Variants in LRRTM4 observed in about 807,000 individuals in gnomAD.
LRRTM4 encodes the protein leucine rich repeat transmembrane neuronal 4, also known as leucine-rich repeat transmembrane neuronal protein 4.
A neutral mutation model predicts 47.6 loss-of-function variants in LRRTM4; 25 were observed. The ratio of observed to expected loss-of-function variants is 0.53; its 90% CI spans 0.38 to 0.73. The LOEUF (loss-of-function observed/expected upper bound fraction) is 0.73. Ranked by LOEUF, LRRTM4 falls within the 30% of genes least tolerant of loss-of-function variation. The pLI is 0.00. For missense variants in LRRTM4, 638 were observed against 713.4 expected, an observed-to-expected ratio of 0.89 and a Z score of 1.20; for synonymous variants, 311 against 269.5, an observed-to-expected ratio of 1.15 and a Z score of -1.51.
In LRRTM4 at chr2:76,748,272, A is replaced by G. The variant is rs1398906739; in HGVS notation, c.*423T>C. On this transcript the variant is annotated 3_prime_UTR_variant, in exon 4 of 4. Coordinates refer to ENST00000409884, the MANE Select transcript of LRRTM4 (RefSeq NM_001134745.3). ...ATCTGTGAGAATTACACACACCTAA[A>G]GAGGAAAACGGTTGTTTCCCTAGCT... 1 of 164,150 alleles carries G rather than the reference A, an allele frequency of 6.1e-6. No individual in the cohort carries two copies. Among genetic ancestry groups the G allele is most frequent in the Non-Finnish European group, 1.3e-5 (1 of 75,610 alleles). The allele number at this position is 164,150 out of a possible 1,614,324, so 10.2% of individuals were successfully genotyped here.
At chr2:77,067,336 A>G (rs1338123396) in intron 3 of LRRTM4, among the ~76,000 whole-genome samples, 1 of 152,146 alleles carries the variant, frequency 6.6e-6, no homozygotes, top group Non-Finnish European at 1.5e-5. Flanking sequence ...GGATGGCCTC[A>G]CTGTGTATTG....
Position 76,818,635 on chromosome 2 carries a change from C to A in LRRTM4, c.1552-69719G>T, listed in dbSNP as rs922323190. Among the ~76,000 whole-genome samples, 13 of 151,766 alleles carry A rather than the reference C, an allele frequency of 8.6e-5. No homozygotes were observed. The South Asian group carries it at 1.7e-3, about 19-fold the overall frequency. ...AATATTTAAGGTCAATATTAATTGA[C>A]CAATTGTTTATCCAATCCAATTAAT... On this transcript the variant is annotated intron_variant, in intron 3 of 3. Transcript: ENST00000409884.
In LRRTM4 at chr2:77,440,884, A is replaced by G. The variant is rs557909764; in HGVS notation, c.1551+77434T>C. On this transcript the variant is annotated intron_variant, in intron 3 of 3. Coordinates refer to ENST00000409884, the MANE Select transcript of LRRTM4 (RefSeq NM_001134745.3). ...AGGAATGAGTGTAATATTTTAATAG[A>G]ACAGTCTTTATTTGTCATTTCACCT... Among the ~76,000 whole-genome samples the G allele has an allele frequency of 1.8e-3, 272 of 152,332 alleles. 1 individual carries two copies. The highest frequency in any genetic ancestry group is 6.0e-3 in the African/African-American group (249 of 41,580).
intron 3 of LRRTM4, among the ~76,000 whole-genome samples, chr2:77,490,548 G>T (rs768427024): frequency 4.6e-5 from 7 of 151,970 alleles, no homozygotes; most frequent in South Asian, 2.1e-4. Context: ...AATCCTTAGC[G>T]AATGGTGACA....
chr2:76,804,248 T>C (rs1675849612), intron 3 of LRRTM4, among the ~76,000 whole-genome samples: 1 of 152,164 alleles, frequency 6.6e-6, no homozygotes, highest in Non-Finnish European at 1.5e-5. Flanking sequence ...GAAACAGGCA[T>C]TCTATTGTAT....
chr2:77,389,894 T>C (rs1342410401), intron 3 of LRRTM4, among the ~76,000 whole-genome samples: 2 of 152,174 alleles, frequency 1.3e-5, no homozygotes, highest in Non-Finnish European at 2.9e-5. Flanking sequence ...ATGGAGAGCA[T>C]TTATGGAAAT....
chr2:77,346,967 C>T (rs2104288008), intron 3 of LRRTM4, among the ~76,000 whole-genome samples: 1 of 152,282 alleles, frequency 6.6e-6, no homozygotes, highest in South Asian at 2.1e-4. Flanking sequence ...CAGATGCACT[C>T]TGCACTCCCT....
chr2:77,397,005 T>G (rs1337019091), intron 3 of LRRTM4, among the ~76,000 whole-genome samples: 2 of 151,896 alleles, frequency 1.3e-5, no homozygotes, highest in Non-Finnish European at 2.9e-5. Flanking sequence ...ATGGCTTGAC[T>G]CATTGATTCA....
At chr2:77,086,224 G>T (rs1034653071) in intron 3 of LRRTM4, among the ~76,000 whole-genome samples, 3 of 152,056 alleles carry the variant, frequency 2.0e-5, no homozygotes, top group African/African-American at 7.2e-5. Flanking sequence ...AGTAGAAACT[G>T]TTATGTTTAT....
intron 3 of LRRTM4, among the ~76,000 whole-genome samples, chr2:77,353,320 C>T (rs1671852457): frequency 6.6e-6 from 1 of 152,156 alleles, no homozygotes; most frequent in Admixed American, 6.6e-5. Flanking sequence ...CTTTGAGTTG[C>T]TACTCTCAGC....
At chr2:77,442,800 A>T (rs1172358401) in intron 3 of LRRTM4, among the ~76,000 whole-genome samples, 3 of 152,176 alleles carry the variant, frequency 2.0e-5, no homozygotes. Context: ...GTATTTTGAG[A>T]TTATATTAGC....
rs1451591137 is a variant in LRRTM4, at chr2:77,336,097, AAGG to A, written c.1551+182218_1551+182220del. 3.3e-5 allele frequency among the ~76,000 whole-genome samples: 5 copies of A among 151,608 alleles called. No homozygotes were observed. The East Asian group carries it at 5.8e-4, about 18-fold the overall frequency. Reference sequence around the variant, plus strand: ...GCATGAAATTATTTTGGAAGGAAGGAAGGAAGGAAAGAAGGAAAGAAGGGAGAA... The same window carrying A: ...GCATGAAATTATTTTGGAAGGAAGGAAAGGAAAGAAGGAAAGAAGGGAGAA... On this transcript the variant is annotated intron_variant, in intron 3 of 3. Coordinates refer to ENST00000409884, the MANE Select transcript of LRRTM4 (RefSeq NM_001134745.3).
intron 3 of LRRTM4, among the ~76,000 whole-genome samples, chr2:77,175,575 C>T (rs1292659418): frequency 6.6e-6 from 1 of 152,248 alleles, no homozygotes; most frequent in African/African-American, 2.4e-5. Flanking sequence ...ACTATCACAG[C>T]TGTAAATCAT....
At chr2:76,908,908 G>A (rs898431308) in intron 3 of LRRTM4, among the ~76,000 whole-genome samples, 1 of 152,164 alleles carries the variant, frequency 6.6e-6, no homozygotes. Flanking sequence ...TGTGAAAATG[G>A]CCATACTGCC....
intron 3 of LRRTM4, among the ~76,000 whole-genome samples, chr2:77,207,312 A>T (rs1674155775): frequency 1.4e-5 from 2 of 144,350 alleles, no homozygotes; most frequent in South Asian, 4.3e-4. Flanking sequence ...ATATATACAC[A>T]TGTATGTGTT....
intron 3 of LRRTM4, among the ~76,000 whole-genome samples, chr2:76,938,383 G>A (rs1338655454): frequency 6.6e-6 from 1 of 151,956 alleles, no homozygotes; most frequent in Admixed American, 6.5e-5. Flanking sequence ...GAAGACAAAA[G>A]AATATAAATT....
chr2:77,013,152 T>C (rs1280053411), intron 3 of LRRTM4, among the ~76,000 whole-genome samples: 1 of 151,246 alleles, frequency 6.6e-6, no homozygotes, highest in African/African-American at 2.4e-5. Context: ...AGATCTTCAA[T>C]CACCCAGCTT....
Position 77,097,694 on chromosome 2 carries a change from C to G in LRRTM4, c.1552-348778G>C, listed in dbSNP as rs373385630. Among the ~76,000 whole-genome samples, 165 of 151,968 alleles carry G rather than the reference C, an allele frequency of 1.1e-3. 2 individuals carry two copies. The highest frequency in any genetic ancestry group is 3.4e-3 in the Middle Eastern group (1 of 290). On this transcript the variant is annotated intron_variant, in intron 3 of 3. Coordinates refer to ENST00000409884, the MANE Select transcript of LRRTM4 (RefSeq NM_001134745.3). ...TGATTTAAGCTAATTGGTACTAAAA[C>G]TAAATTGTTAAAATCTGATGTTCAT...
intron 3 of LRRTM4, among the ~76,000 whole-genome samples, chr2:76,828,074 T>C (rs1671236670): frequency 6.6e-6 from 1 of 151,984 alleles, no homozygotes. Flanking sequence ...TGATTATGCA[T>C]TTAATGAAAG....
Sources: allele counts gnomAD v4.1 joint callset (sites outside exome capture counted in the v4.1 genomes callset), GRCh38; gene constraint gnomAD v4.1.1; transcripts MANE v1.5; gene names NCBI Gene and HGNC (gene_info 2026-07-23, HGNC 2026-07-21).